FGGY: variants seen among roughly 807,000 people sequenced by gnomAD.
The protein encoded by FGGY is FGGY carbohydrate kinase domain containing, also known as FGGY carbohydrate kinase domain-containing protein.
A neutral mutation model predicts 71.3 loss-of-function variants in FGGY; 72 were observed. That is an observed-to-expected ratio of 1.01 (90% confidence interval 0.84 to 1.23). The LOEUF (loss-of-function observed/expected upper bound fraction) is 1.23. FGGY is among the 50% of genes most tolerant of loss of function. The pLI, the probability that FGGY is intolerant of heterozygous loss-of-function variation, is 0.00. For missense variants in FGGY, 668 were observed against 682.3 expected, an observed-to-expected ratio of 0.98 and a Z score of 0.23; for synonymous variants, 251 against 250.3, an observed-to-expected ratio of 1.00 and a Z score of -0.02.
chr1:59,636,118 G>A (rs1183657423), intron 10 of FGGY, among the ~76,000 whole-genome samples: 1 of 152,072 alleles, frequency 6.6e-6, no homozygotes, highest in African/African-American at 2.4e-5. Flanking sequence ...TTGCAGATGA[G>A]AATGAGCTAT....
chr1:59,534,518 A>G (rs1358596838), intron 7 of FGGY, among the ~76,000 whole-genome samples: 2 of 152,146 alleles, frequency 1.3e-5, no homozygotes, highest in African/African-American at 4.8e-5. Flanking sequence ...CAACTCCAAG[A>G]CACATAATTG....
chr1:59,415,151 G>A (rs549743279), intron 5 of FGGY, among the ~76,000 whole-genome samples: 1 of 152,252 alleles, frequency 6.6e-6, no homozygotes, highest in South Asian at 2.1e-4. Context: ...CCGTCTGGTG[G>A]GGCCAAGGGC....
intron 8 of FGGY, among the ~76,000 whole-genome samples, chr1:59,575,440 C>T (rs1308499086): frequency 6.6e-6 from 1 of 152,112 alleles, no homozygotes; most frequent in African/African-American, 2.4e-5. Context: ...GACAGAATTT[C>T]CTTCTTTTTT....
chr1:59,611,398 T>G (rs1296631220), intron 9 of FGGY, among the ~76,000 whole-genome samples: 1 of 152,024 alleles, frequency 6.6e-6, no homozygotes, highest in Non-Finnish European at 1.5e-5. Flanking sequence ...GGGTCTAGAG[T>G]GAAACGCCAG....
intron 14 of FGGY, among the ~76,000 whole-genome samples, chr1:59,712,866 G>C (rs2097806570): frequency 6.6e-6 from 1 of 152,118 alleles, no homozygotes; most frequent in Non-Finnish European, 1.5e-5. Flanking sequence ...ATTAATATTT[G>C]GCTCCTCGTT....
chr1:59,445,302 C>T (rs958408047), intron 5 of FGGY, among the ~76,000 whole-genome samples: 8 of 152,288 alleles, frequency 5.3e-5, no homozygotes, highest in Admixed American at 5.2e-4. Flanking sequence ...TTCTTTCTAC[C>T]TGGTGCAGTC....
chr1:59,610,717 C>T (rs1465221849), intron 9 of FGGY, among the ~76,000 whole-genome samples: 2 of 152,178 alleles, frequency 1.3e-5, no homozygotes, highest in East Asian at 3.9e-4. Context: ...GGCGAGGCAT[C>T]GCCTCACCCG....
chr1:59,346,141 T>C, intron 3 of FGGY, 106 bp from the exon 4 acceptor site: 1 of 1,404,110 alleles, frequency 7.1e-7, no homozygotes, highest in Non-Finnish European at 9.7e-7. Context: ...ATACATAAAA[T>C]TATAGAAAGT....
intron 9 of FGGY, among the ~76,000 whole-genome samples, chr1:59,613,403 T>C (rs1035481409): frequency 6.6e-6 from 1 of 152,110 alleles, no homozygotes; most frequent in Non-Finnish European, 1.5e-5. Context: ...GACTACTGGG[T>C]ACATAACAAA....
At chr1:59,684,664 T>A (rs182604762) in intron 14 of FGGY, among the ~76,000 whole-genome samples, 87 of 152,040 alleles carry the variant, frequency 5.7e-4, no homozygotes, top group African/African-American at 2.0e-3. Context: ...GTAGAAAGAG[T>A]AAGTGAGCTG....
intron 14 of FGGY, among the ~76,000 whole-genome samples, chr1:59,681,806 G>GCACACA (rs10666171): frequency 9.3e-5 from 14 of 149,930 alleles, no homozygotes; most frequent in African/African-American, 3.2e-4. Flanking sequence ...ACACACACAT[G>GCACACA]CACACACACA....
intron 5 of FGGY, 150 bp from the exon 6 acceptor site, chr1:59,456,811 T>G: frequency 1.8e-6 from 1 of 563,430 alleles, no homozygotes. Context: ...CCATGGAGAC[T>G]TTTTACCTAA....
chr1:59,678,359 A>AT (rs979542219), intron 14 of FGGY, among the ~76,000 whole-genome samples: 2 of 152,190 alleles, frequency 1.3e-5, no homozygotes, highest in Non-Finnish European at 1.5e-5. Context: ...AATTCTGAAT[A>AT]TCTTGGAAAA....
intron 7 of FGGY, among the ~76,000 whole-genome samples, chr1:59,551,598 T>C (rs1049302783): frequency 2.0e-5 from 3 of 152,152 alleles, no homozygotes; most frequent in Non-Finnish European, 2.9e-5. Context: ...TGCCTGGCTA[T>C]TGGATTTTTA....
intron 7 of FGGY, among the ~76,000 whole-genome samples, chr1:59,547,271 C>T (rs186359300): frequency 3.9e-5 from 6 of 152,188 alleles, no homozygotes; most frequent in African/African-American, 1.4e-4. Flanking sequence ...CTGTTTTACT[C>T]CCCTTCATTT....
At chr1:59,649,260 A>T (rs1456733363) in intron 11 of FGGY, among the ~76,000 whole-genome samples, 1 of 145,584 alleles carries the variant, frequency 6.9e-6, no homozygotes, top group African/African-American at 2.6e-5. Context: ...TATGAACTTT[A>T]AAGTAGTTTT....
At chr1:59,324,393 C>T (rs2046982175) in intron 2 of FGGY, among the ~76,000 whole-genome samples, 1 of 146,258 alleles carries the variant, frequency 6.8e-6, no homozygotes, top group Non-Finnish European at 1.5e-5. Context: ...TCTCCTGCCT[C>T]AGCCTCCCAA....
At chr1:59,536,217 T>C (rs1209060842) in intron 7 of FGGY, among the ~76,000 whole-genome samples, 1 of 151,946 alleles carries the variant, frequency 6.6e-6, no homozygotes, top group Admixed American at 6.6e-5. Flanking sequence ...GCAAATAAAC[T>C]AGAAAATCTA....
chr1:59,442,170 C>A (rs763213626), intron 5 of FGGY, among the ~76,000 whole-genome samples: 25 of 152,196 alleles, frequency 1.6e-4, no homozygotes, highest in Non-Finnish European at 1.0e-4. Context: ...CCAACTCTAG[C>A]TCTACCCGTA....
Sources: gnomAD v4.1 joint callset for allele counts (sites outside exome capture counted in the v4.1 genomes callset) on GRCh38, gnomAD v4.1.1 for gene constraint, MANE v1.5 for transcripts, NCBI Gene and HGNC (gene_info 2026-07-23, HGNC 2026-07-21) for gene names.